RBFOX1: variants seen among roughly 807,000 people sequenced by gnomAD.
The protein encoded by RBFOX1 is RNA binding fox-1 homolog 1.
In RBFOX1, 8 loss-of-function variants were observed where a neutral mutation model predicts 57.7. That is an observed-to-expected ratio of 0.14 (90% CI 0.08 to 0.25). The LOEUF is 0.25. Among genes scored for constraint, RBFOX1 ranks in the 10% least tolerant of loss-of-function variants. The pLI is 1.00. For synonymous variants in RBFOX1, 326 were observed against 222.4 expected, an observed-to-expected ratio of 1.47 and a Z score of -4.15; for missense variants, 611 against 548.5, an observed-to-expected ratio of 1.11 and a Z score of -1.14.
intron 1 of RBFOX1, among the ~76,000 whole-genome samples, chr16:6,193,408 A>ACATTATATATATATAC (rs1386298802): frequency 1.1e-5 from 1 of 88,448 alleles, no homozygotes; most frequent in Non-Finnish European, 2.7e-5. Flanking sequence ...ATATATATAT[A>ACATTATATATATATAC]TATATATATA....
At chr16:6,465,514 C>T (rs1260747099) in intron 2 of RBFOX1, among the ~76,000 whole-genome samples, 4 of 151,834 alleles carry the variant, frequency 2.6e-5, no homozygotes, top group African/African-American at 4.8e-5. Flanking sequence ...CTAAAATCTA[C>T]GTAAGAAGTA....
chr16:5,251,707 G>T (rs1407730101), intron 1 of RBFOX1, among the ~76,000 whole-genome samples: 1 of 152,128 alleles, frequency 6.6e-6, no homozygotes, highest in Non-Finnish European at 1.5e-5. Flanking sequence ...AAAGGGGCCT[G>T]AGGAAATTTT....
chr16:7,456,196 C>T (rs1303656144), intron 4 of RBFOX1, among the ~76,000 whole-genome samples: 4 of 152,264 alleles, frequency 2.6e-5, no homozygotes, highest in South Asian at 2.1e-4. Context: ...GTTGATGTAC[C>T]CACAGCATCC....
intron 4 of RBFOX1, among the ~76,000 whole-genome samples, chr16:7,204,486 A>G (rs1244420664): frequency 6.6e-6 from 1 of 152,150 alleles, no homozygotes; most frequent in South Asian, 2.1e-4. Context: ...TATAAAAATT[A>G]TAATAGTAAA....
intron 4 of RBFOX1, among the ~76,000 whole-genome samples, chr16:5,891,949 T>C (rs111327471): frequency 6.6e-6 from 1 of 152,230 alleles, no homozygotes; most frequent in East Asian, 1.9e-4. Flanking sequence ...ACGATGTCTC[T>C]TGTGGGACAA....
intron 4 of RBFOX1, among the ~76,000 whole-genome samples, chr16:7,071,459 A>G (rs562130003): frequency 1.2e-4 from 19 of 152,032 alleles, no homozygotes; most frequent in Non-Finnish European, 2.4e-4. Flanking sequence ...ATATATATGT[A>G]TTACATACAT....
At chr16:5,372,112 C>G (rs2065872846) in intron 1 of RBFOX1, among the ~76,000 whole-genome samples, 1 of 152,192 alleles carries the variant, frequency 6.6e-6, no homozygotes, top group Non-Finnish European at 1.5e-5. Context: ...CTAACAAGCT[C>G]TAAGATGAAG....
At chr16:6,018,309 C>T (rs2095012086), upstream of RBFOX1, among the ~76,000 whole-genome samples, 1 of 152,168 alleles carries the variant, frequency 6.6e-6, no homozygotes, top group Non-Finnish European at 1.5e-5. Context: ...GCTTTAATCT[C>T]TCTAAGCATC....
intron 3 of RBFOX1, among the ~76,000 whole-genome samples, chr16:6,844,406 C>G (rs1008742517): frequency 6.6e-6 from 1 of 152,148 alleles, no homozygotes; most frequent in African/African-American, 2.4e-5. Flanking sequence ...CCCATGTGTT[C>G]TCATCATTCA....
intron 1 of RBFOX1, among the ~76,000 whole-genome samples, chr16:5,375,565 G>A (rs902335019): frequency 2.0e-5 from 3 of 152,170 alleles, no homozygotes; most frequent in Admixed American, 6.5e-5. Flanking sequence ...TGCAAAATGG[G>A]GTAAGAAGAG....
intron 2 of RBFOX1, among the ~76,000 whole-genome samples, chr16:6,635,091 TATATTATA>T (rs1290244617): frequency 7.4e-6 from 1 of 135,264 alleles, no homozygotes; most frequent in Non-Finnish European, 1.6e-5. Flanking sequence ...ATATATCATA[TATATTATA>T]TATAAAGTAT....
intron 4 of RBFOX1, among the ~76,000 whole-genome samples, chr16:7,353,332 G>A (rs766129995): frequency 1.8e-4 from 27 of 152,226 alleles, no homozygotes; most frequent in Non-Finnish European, 2.5e-4. Context: ...GCAAAGATGC[G>A]GAGAAATTGG....
chr16:6,167,523 TG>T (rs886065070), intron 1 of RBFOX1, among the ~76,000 whole-genome samples: 5 of 152,216 alleles, frequency 3.3e-5, no homozygotes, highest in African/African-American at 4.8e-5. Context: ...CTCTTTGTTT[TG>T]GGGACTGACA....
chr16:7,158,778 GTGTC>G (rs1276629736), intron 4 of RBFOX1, among the ~76,000 whole-genome samples: 1 of 152,016 alleles, frequency 6.6e-6, no homozygotes, highest in Non-Finnish European at 1.5e-5. Flanking sequence ...AGTAGTGTGT[GTGTC>G]TGCATGCATA....
At chr16:5,587,348 A>T (rs770479348) in intron 2 of RBFOX1, among the ~76,000 whole-genome samples, 1 of 152,250 alleles carries the variant, frequency 6.6e-6, no homozygotes, top group Non-Finnish European at 1.5e-5. Context: ...ATCGTCAGTC[A>T]TCGGGAAAAT....
chr16:7,471,812 G>A (rs1459343902), intron 4 of RBFOX1, among the ~76,000 whole-genome samples: 1 of 152,170 alleles, frequency 6.6e-6, no homozygotes, highest in East Asian at 1.9e-4. Flanking sequence ...CTACTGTCTG[G>A]GAGCTCCAGG....
chr16:5,732,946 G>T (rs140075718), intron 3 of RBFOX1, among the ~76,000 whole-genome samples: 131 of 152,248 alleles, frequency 8.6e-4, no homozygotes, highest in Middle Eastern at 3.4e-3. Flanking sequence ...CAACTTGGTG[G>T]GTTGAGCTTT....
intron 3 of RBFOX1, among the ~76,000 whole-genome samples, chr16:5,636,855 C>G (rs915828245): frequency 3.3e-5 from 5 of 152,196 alleles, no homozygotes; most frequent in African/African-American, 1.2e-4. Context: ...TTCTCATTCT[C>G]AAAACCCACA....
intron 3 of RBFOX1, among the ~76,000 whole-genome samples, chr16:5,744,520 A>C (rs2052900231): frequency 6.6e-6 from 1 of 151,872 alleles, no homozygotes; most frequent in South Asian, 2.1e-4. Context: ...TTCCAACTCC[A>C]CCTTCAGTGG....
Sources: gnomAD v4.1 joint callset for allele counts (sites outside exome capture counted in the v4.1 genomes callset) on GRCh38, gnomAD v4.1.1 for gene constraint, MANE v1.5 for transcripts, NCBI Gene and HGNC (gene_info 2026-07-23, HGNC 2026-07-21) for gene names.